DTD1: variants seen among roughly 807,000 people sequenced by gnomAD.
DTD1 encodes D-tyrosyl-tRNA deacylase 1 homolog.
Under a neutral mutation model 25.6 loss-of-function variants are expected in DTD1, and 13 were observed. That is an observed-to-expected ratio of 0.51 (90% CI 0.33 to 0.81). DTD1 has a LOEUF of 0.81. DTD1 is among the 30% of genes least tolerant of loss of function. The probability of loss-of-function intolerance (pLI) is 0.02; values close to 1 mark genes in which losing one functional copy is unlikely to be tolerated. For synonymous variants in DTD1, 110 were observed against 103.6 expected, an observed-to-expected ratio of 1.06 and a Z score of -0.37; for missense variants, 193 against 266.4, an observed-to-expected ratio of 0.72 and a Z score of 1.92.
At chr20:18,758,667 G>T (rs2061348736) in intron 5 of DTD1, among the ~76,000 whole-genome samples, 1 of 152,194 alleles carries the variant, frequency 6.6e-6, no homozygotes, top group African/African-American at 2.4e-5. Flanking sequence ...TTTTACATTT[G>T]CTGAGGAGTG....
chr20:18,643,256 T>C, intron 4 of DTD1: 1 of 329,978 alleles, frequency 3.0e-6, no homozygotes, highest in South Asian at 2.6e-5. Context: ...CTGGAATCAA[T>C]CCCAGGGTAT....
intron 1 of DTD1, among the ~76,000 whole-genome samples, chr20:18,589,069 G>T (rs1480706819): frequency 1.3e-5 from 2 of 152,114 alleles, no homozygotes; most frequent in Non-Finnish European, 2.9e-5. Flanking sequence ...AAACAAAACA[G>T]GCCGGGGGCT....
chr20:18,694,126 T>G (rs2061060496), intron 4 of DTD1, among the ~76,000 whole-genome samples: 1 of 152,132 alleles, frequency 6.6e-6, no homozygotes, highest in Middle Eastern at 3.2e-3. Context: ...CAGACCCTGC[T>G]CTGACCACAG....
At chr20:18,698,631 C>G (rs1311323986) in intron 4 of DTD1, 1 of 152,218 alleles carries the variant, frequency 6.6e-6, no homozygotes, top group Non-Finnish European at 1.5e-5. Context: ...GCTGGTCATC[C>G]ATGTCCAGCC....
intron 4 of DTD1, among the ~76,000 whole-genome samples, chr20:18,738,731 G>A (rs1339887843): frequency 6.6e-6 from 1 of 152,158 alleles, no homozygotes; most frequent in Non-Finnish European, 1.5e-5. Context: ...CTCTGAAGTA[G>A]GAGACTCCTG....
intron 3 of DTD1, among the ~76,000 whole-genome samples, chr20:18,612,224 C>T (rs1291225070): frequency 1.3e-4 from 19 of 151,510 alleles, no homozygotes; most frequent in South Asian, 6.3e-4. Context: ...TTAGTAGAGA[C>T]GGGGTTTCAC....
intron 4 of DTD1, among the ~76,000 whole-genome samples, chr20:18,722,232 A>T (rs774864642): frequency 1.3e-5 from 2 of 152,196 alleles, no homozygotes; most frequent in Non-Finnish European, 2.9e-5. Context: ...TTCGCACTGT[A>T]GTCTGTGGGC....
chr20:18,753,607 CA>C lies in DTD1; in HGVS notation c.*19+9351del, dbSNP rs58081760. Reference sequence around the variant, plus strand: ...TGGGCAATGAAGCGAAACTCTGTCTCAAAAAAAAAAAAAAAGACGTTGATAT... The same window carrying C: ...TGGGCAATGAAGCGAAACTCTGTCTCAAAAAAAAAAAAAAGACGTTGATAT... On this transcript the variant is annotated intron_variant, in intron 5 of 5. Coordinates refer to ENST00000377452, the MANE Select transcript of DTD1 (RefSeq NM_080820.6). 4.0e-4 allele frequency among the ~76,000 whole-genome samples: 26 copies of C among 65,360 alleles called. 1 individual carries two copies. The South Asian group carries it at 5.4e-3, about 14-fold the overall frequency. 42.9% of individuals were successfully genotyped at this position (65,360 alleles called of 152,430 possible). A position where few individuals can be genotyped will look rare whatever the true frequency, so the allele number is the denominator to read the frequency against.
In DTD1 at chr20:18,764,064, G is replaced by C. The variant is rs1347795225; in HGVS notation, c.*724G>C. The C allele has an allele frequency of 1.3e-5, 2 of 152,164 alleles. No homozygotes were observed. The highest frequency in any genetic ancestry group is 2.9e-5 in the Non-Finnish European group (2 of 68,036). The allele number at this position is 152,164 out of a possible 1,614,324, so 9.4% of individuals were successfully genotyped here. A position where few individuals can be genotyped will look rare whatever the true frequency, so the allele number is the denominator to read the frequency against. On this transcript the variant is annotated 3_prime_UTR_variant, in exon 6 of 6. Coordinates refer to ENST00000377452, the MANE Select transcript of DTD1 (RefSeq NM_080820.6). ...CCACACAGGCTCCTGAGTCCAGGTG[G>C]GAGCCTGTCTAGCCAGTTTACAATT...
At chr20:18,610,636 A>G (rs1375246163) in intron 3 of DTD1, among the ~76,000 whole-genome samples, 2 of 152,136 alleles carry the variant, frequency 1.3e-5, no homozygotes, top group Admixed American at 6.5e-5. Flanking sequence ...ATGGCTGGGT[A>G]TGGTGGCTCT....
intron 3 of DTD1, among the ~76,000 whole-genome samples, chr20:18,606,894 A>T (rs895466724): frequency 1.6e-4 from 24 of 150,976 alleles, no homozygotes; most frequent in Non-Finnish European, 3.1e-4. Context: ...AACCTGCACA[A>T]TGTGCACATG....
intron 4 of DTD1, among the ~76,000 whole-genome samples, chr20:18,629,037 C>T (rs1443878151): frequency 6.8e-6 from 1 of 147,148 alleles, no homozygotes; most frequent in Non-Finnish European, 1.5e-5. Flanking sequence ...GCTCTTGTTG[C>T]CCAGGCTGGA....
At chr20:18,744,319 A>G in intron 5 of DTD1, 48 bp downstream of exon 5, 1 of 1,576,224 alleles carries the variant, frequency 6.3e-7, no homozygotes, top group Non-Finnish European at 8.7e-7. Context: ...TTGGGGAAGC[A>G]GCAATGAATA....
At chr20:18,736,988 C>T (rs1194465090) in intron 4 of DTD1, among the ~76,000 whole-genome samples, 1 of 152,242 alleles carries the variant, frequency 6.6e-6, no homozygotes, top group African/African-American at 2.4e-5. Context: ...TGTGTCCAAG[C>T]CTGCCCTGCT....
intron 3 of DTD1, among the ~76,000 whole-genome samples, chr20:18,614,735 G>A (rs1175655873): frequency 6.6e-6 from 1 of 151,988 alleles, no homozygotes; most frequent in Non-Finnish European, 1.5e-5. Context: ...TTTTTTGTGT[G>A]GGCCCATTTA....
intron 4 of DTD1, among the ~76,000 whole-genome samples, chr20:18,641,456 C>T (rs1001329876): frequency 3.3e-5 from 5 of 152,124 alleles, no homozygotes; most frequent in Admixed American, 1.3e-4. Flanking sequence ...ACATTCCTAC[C>T]GGCAATGCTC....
At chr20:18,712,539 A>G (rs993318930) in intron 4 of DTD1, among the ~76,000 whole-genome samples, 3 of 152,240 alleles carry the variant, frequency 2.0e-5, no homozygotes, top group African/African-American at 7.2e-5. Flanking sequence ...ATTGGATCAT[A>G]AGTCAGCATG....
At chr20:18,716,289 A>G (rs948976329) in intron 4 of DTD1, among the ~76,000 whole-genome samples, 1 of 152,196 alleles carries the variant, frequency 6.6e-6, no homozygotes, top group African/African-American at 2.4e-5. Flanking sequence ...AGAAAGGGGA[A>G]ATAATGTTTT....
chr20:18,689,038 G>A (rs1001919169), intron 4 of DTD1, among the ~76,000 whole-genome samples: 9 of 152,300 alleles, frequency 5.9e-5, no homozygotes, highest in African/African-American at 1.9e-4. Flanking sequence ...TCTAATACTC[G>A]TGCTAGGAAA....
Sources: allele counts gnomAD v4.1 joint callset (sites outside exome capture counted in the v4.1 genomes callset), GRCh38; gene constraint gnomAD v4.1.1; transcripts MANE v1.5; gene names NCBI Gene and HGNC (gene_info 2026-07-23, HGNC 2026-07-21).